Variants in NCAM2 observed in about 807,000 individuals in gnomAD.
NCAM2 encodes N-CAM-2.
A neutral mutation model predicts 98.1 loss-of-function variants in NCAM2; 30 were observed. That is an observed-to-expected ratio of 0.31 (90% CI 0.23 to 0.41). NCAM2 has a LOEUF of 0.41. NCAM2 is among the 10% of genes least tolerant of loss of function. The probability of loss-of-function intolerance (pLI) is 1.00; values close to 1 mark genes in which losing one functional copy is unlikely to be tolerated. For missense variants in NCAM2, 867 were observed against 1,005.8 expected, an observed-to-expected ratio of 0.86 and a Z score of 1.87; for synonymous variants, 368 against 342.4, an observed-to-expected ratio of 1.07 and a Z score of -0.83.
chr21:21,271,745 T>C (rs1338467265), intron 1 of NCAM2, among the ~76,000 whole-genome samples: 2 of 152,012 alleles, frequency 1.3e-5, no homozygotes, highest in Non-Finnish European at 2.9e-5. Context: ...TGAAAAGAAA[T>C]AGAGTAATAA....
intron 1 of NCAM2, among the ~76,000 whole-genome samples, chr21:21,215,536 T>C (rs141808550): frequency 0.014 from 2,172 of 152,126 alleles, 54 homozygotes; most frequent in African/African-American, 0.05. Flanking sequence ...CTGGCCAACA[T>C]GGTGAAATCT....
chr21:21,529,208 C>G (rs971898739), intron 16 of NCAM2, among the ~76,000 whole-genome samples: 3 of 151,912 alleles, frequency 2.0e-5, no homozygotes, highest in Non-Finnish European at 4.4e-5. Flanking sequence ...CATGAATACC[C>G]GCTCCTCAAT....
At chr21:21,338,701 G>T (rs554778123) in intron 8 of NCAM2, among the ~76,000 whole-genome samples, 167 bp downstream of exon 8, 1 of 152,172 alleles carries the variant, frequency 6.6e-6, no homozygotes, top group African/African-American at 2.4e-5. Flanking sequence ...TACCACTTTC[G>T]TGGGAGGGGA....
At chr21:21,083,763 T>G (rs1056736001) in intron 1 of NCAM2, among the ~76,000 whole-genome samples, 2 of 152,198 alleles carry the variant, frequency 1.3e-5, no homozygotes, top group African/African-American at 4.8e-5. Context: ...GATTCACAGA[T>G]AGCTGTGAGA....
At chr21:21,211,054 A>G (rs1025129567) in intron 1 of NCAM2, among the ~76,000 whole-genome samples, 2 of 151,364 alleles carry the variant, frequency 1.3e-5, no homozygotes, top group African/African-American at 4.9e-5. Flanking sequence ...TTCCACCAGC[A>G]ATTTATTTCA....
chr21:21,418,373 T>TA lies in NCAM2; in HGVS notation c.1384-94dup, dbSNP rs2077037078. 7 of 820,172 alleles carry TA rather than the reference T, an allele frequency of 8.5e-6. No individual in the cohort carries two copies. The East Asian group carries it at 1.5e-4, about 17-fold the overall frequency. 50.8% of individuals were successfully genotyped at this position (820,172 alleles called of 1,614,324 possible). On this transcript the variant is annotated intron_variant, in intron 10 of 17. Transcript: ENST00000400546. ...AAATATATGGTAAGGAGTTGTTGGG[T>TA]AAAAAATGAAATGTGTGAAAGTGGT...
intron 1 of NCAM2, among the ~76,000 whole-genome samples, chr21:21,265,231 A>G (rs2072184496): frequency 7.9e-6 from 1 of 126,876 alleles, no homozygotes; most frequent in South Asian, 2.4e-4. Context: ...TATATTATAT[A>G]TATGCATGTG....
At chr21:21,171,510 A>G (rs531361134) in intron 1 of NCAM2, among the ~76,000 whole-genome samples, 1 of 152,288 alleles carries the variant, frequency 6.6e-6, no homozygotes, top group Non-Finnish European at 1.5e-5. Flanking sequence ...CAGGTGTCAA[A>G]TGGTCTCGCC....
chr21:21,386,235 A>G (rs1156997624), intron 9 of NCAM2, among the ~76,000 whole-genome samples: 2 of 152,194 alleles, frequency 1.3e-5, no homozygotes, highest in African/African-American at 4.8e-5. Context: ...GATGAGGTAA[A>G]TAAGATGTGA....
chr21:21,527,911 C>T (rs1451210980), intron 16 of NCAM2, among the ~76,000 whole-genome samples: 1 of 152,212 alleles, frequency 6.6e-6, no homozygotes, highest in Non-Finnish European at 1.5e-5. Flanking sequence ...TTTTCAGAAG[C>T]TTGTTTCATA....
At chr21:21,251,508 G>A (rs1207577963) in intron 1 of NCAM2, among the ~76,000 whole-genome samples, 2 of 152,130 alleles carry the variant, frequency 1.3e-5, no homozygotes, top group Non-Finnish European at 1.5e-5. Flanking sequence ...TGGCTACATA[G>A]TATTCCATGG....
chr21:21,020,788 T>A (rs897441901), intron 1 of NCAM2, among the ~76,000 whole-genome samples: 2 of 152,208 alleles, frequency 1.3e-5, no homozygotes, highest in African/African-American at 2.4e-5. Flanking sequence ...GAACACTTTT[T>A]AAATATCTTC....
At chr21:21,230,498 C>A (rs1446122061) in intron 1 of NCAM2, among the ~76,000 whole-genome samples, 1 of 151,300 alleles carries the variant, frequency 6.6e-6, no homozygotes, top group Non-Finnish European at 1.5e-5. Flanking sequence ...CTTTTTCGAT[C>A]ACCATATGCT....
At chr21:21,043,460 C>A (rs1217159079) in intron 1 of NCAM2, among the ~76,000 whole-genome samples, 2 of 151,794 alleles carry the variant, frequency 1.3e-5, no homozygotes, top group African/African-American at 4.8e-5. Flanking sequence ...TTTATATTAC[C>A]CTTTTATTCT....
chr21:21,493,019 CTA>C lies in NCAM2; in HGVS notation c.2077+15550_2077+15551del, dbSNP rs539059156. Among the ~76,000 whole-genome samples the C allele has an allele frequency of 4.1e-3, 629 of 151,972 alleles. 7 individuals are homozygous for C. Among genetic ancestry groups the C allele is most frequent in the African/African-American group, 0.014 (592 of 41,532 alleles). ...CTACCCTTGGCTCTTGAAAAACATC[CTA>C]TTTCTTAGTGCATGTTGGCAGAAAA... On this transcript the variant is annotated intron_variant, in intron 15 of 17. Transcript: ENST00000400546.
intron 1 of NCAM2, among the ~76,000 whole-genome samples, chr21:21,145,239 T>C (rs1382352394): frequency 6.6e-6 from 1 of 152,204 alleles, no homozygotes; most frequent in Admixed American, 6.5e-5. Flanking sequence ...AAATTATTTT[T>C]ATAATAGATT....
At chr21:21,191,505 A>G (rs1287933820) in intron 1 of NCAM2, among the ~76,000 whole-genome samples, 1 of 152,178 alleles carries the variant, frequency 6.6e-6, no homozygotes, top group African/African-American at 2.4e-5. Context: ...TTCTATATGC[A>G]ACTTAATTTT....
intron 1 of NCAM2, among the ~76,000 whole-genome samples, chr21:21,124,866 G>T (rs539005615): frequency 6.6e-6 from 1 of 152,220 alleles, no homozygotes; most frequent in East Asian, 1.9e-4. Context: ...AAAACTAGAA[G>T]GCAGGGCTAT....
intron 1 of NCAM2, among the ~76,000 whole-genome samples, chr21:21,125,350 G>GATAATATTTTACATATATATGCAATAT (rs2146584767): frequency 1.5e-4 from 1 of 6,628 alleles, no homozygotes; most frequent in South Asian, 8.1e-3. Flanking sequence ...AGGGTGGGGA[G>GATAATATTTTACATATATATGCAATAT]ATAATATTTT....
Sources: gnomAD v4.1 joint callset for allele counts (sites outside exome capture counted in the v4.1 genomes callset) on GRCh38, gnomAD v4.1.1 for gene constraint, MANE v1.5 for transcripts, NCBI Gene and HGNC (gene_info 2026-07-23, HGNC 2026-07-21) for gene names.